The following TYW1 variants were observed in gnomAD, a reference collection of about 807,000 sequenced individuals.
The protein encoded by TYW1 is tRNA-yW synthesizing protein 1 homolog, also known as S-adenosyl-L-methionine-dependent tRNA 4-demethylwyosine synthase TYW1.
In TYW1, 46 loss-of-function variants were observed where a neutral mutation model predicts 96.2. The ratio of observed to expected loss-of-function variants is 0.48; its 90% CI spans 0.38 to 0.61. The LOEUF (loss-of-function observed/expected upper bound fraction) is 0.61. TYW1 is among the 20% of genes least tolerant of loss of function. TYW1 has a pLI of 0.00. For synonymous variants in TYW1, 274 were observed against 323.0 expected, an observed-to-expected ratio of 0.85 and a Z score of 1.63; for missense variants, 684 against 909.6, an observed-to-expected ratio of 0.75 and a Z score of 3.19.
At chr7:67,125,598 A>G (rs966808162) in intron 13 of TYW1, among the ~76,000 whole-genome samples, 1 of 152,108 alleles carries the variant, frequency 6.6e-6, no homozygotes, top group African/African-American at 2.4e-5. Flanking sequence ...TGTATTTTAC[A>G]TTAGGGTTCA....
intron 2 of TYW1, among the ~76,000 whole-genome samples, chr7:66,998,480 G>T (rs1172948720): frequency 6.6e-6 from 1 of 152,050 alleles, no homozygotes; most frequent in Admixed American, 6.6e-5. Flanking sequence ...ATACCTTTAA[G>T]GGTCAGTAGT....
intron 13 of TYW1, among the ~76,000 whole-genome samples, chr7:67,168,511 T>C (rs1452056560): frequency 6.6e-6 from 1 of 152,094 alleles, no homozygotes; most frequent in Non-Finnish European, 1.5e-5. Flanking sequence ...TATAGGACCA[T>C]TTAGGTTTTC....
chr7:67,015,224 G>A (rs13239344), intron 5 of TYW1, among the ~76,000 whole-genome samples: 4 of 151,962 alleles, frequency 2.6e-5, no homozygotes, highest in East Asian at 1.9e-4. Context: ...GGCTGTTCTC[G>A]AACTCCTGAC....
At chr7:67,014,681 T>C (rs1367528338) in intron 5 of TYW1, 120 bp downstream of exon 5, 1 of 1,205,802 alleles carries the variant, frequency 8.3e-7, no homozygotes, top group African/African-American at 1.5e-5. Context: ...GTATGTGAAA[T>C]AATCCACAAA....
At chr7:67,058,480 T>G in intron 9 of TYW1, among the ~76,000 whole-genome samples, 1 of 152,170 alleles carries the variant, frequency 6.6e-6, no homozygotes, top group Non-Finnish European at 1.5e-5. Context: ...GAAGCCATTT[T>G]TAAAAATTGT....
At chr7:67,082,401 T>G (rs1345697970) in intron 10 of TYW1, among the ~76,000 whole-genome samples, 1 of 152,194 alleles carries the variant, frequency 6.6e-6, no homozygotes, top group Non-Finnish European at 1.5e-5. Context: ...CCATAATCGG[T>G]GCCTGTGGTT....
chr7:67,097,472 C>T (rs149635878), intron 11 of TYW1, among the ~76,000 whole-genome samples: 5,029 of 152,292 alleles, frequency 0.033, 286 homozygotes, highest in East Asian at 0.16. Flanking sequence ...TGTCTCCTCT[C>T]ACTGCAATCT....
intron 13 of TYW1, among the ~76,000 whole-genome samples, chr7:67,160,261 C>T (rs1166031007): frequency 1.3e-5 from 2 of 152,068 alleles, no homozygotes; most frequent in African/African-American, 4.8e-5. Context: ...GACCCTATCT[C>T]TTAATTAATT....
At chr7:67,068,505 G>A (rs1795940246) in intron 10 of TYW1, among the ~76,000 whole-genome samples, 1 of 152,174 alleles carries the variant, frequency 6.6e-6, no homozygotes, top group African/African-American at 2.4e-5. Context: ...TGCTAGGAAA[G>A]AAGGGGGAGG....
chr7:67,029,415 G>GTGTATATATATA lies in TYW1; in HGVS notation c.984+4394_984+4395insGTATATATATAT, dbSNP rs1241213574. On this transcript the variant is annotated intron_variant, in intron 7 of 15. Coordinates refer to ENST00000359626, the MANE Select transcript of TYW1 (RefSeq NM_018264.4). ...TGTGTGTGTGTGTGTGTGTGTGTGTGTATATATATATATATATAAATAGTA... is the reference window on the plus strand; with the variant it reads ...TGTGTGTGTGTGTGTGTGTGTGTGTGTGTATATATATATATATATATATATATATAAATAGTA... Among the ~76,000 whole-genome samples the GTGTATATATATA allele has an allele frequency of 1.1e-3, 101 of 94,346 alleles. No homozygotes were observed. The East Asian group carries it at 0.017, about 16-fold the overall frequency. The allele number at this position is 94,346 out of a possible 152,430, so 61.9% of individuals were successfully genotyped here.
At chr7:67,086,829 A>T (rs1796561252) in intron 11 of TYW1, among the ~76,000 whole-genome samples, 1 of 152,180 alleles carries the variant, frequency 6.6e-6, no homozygotes, top group Non-Finnish European at 1.5e-5. Context: ...GCCGTGACCC[A>T]GACAGGTTGA....
chr7:66,998,696 A>G (rs1793275906), intron 2 of TYW1, 121 bp from the exon 3 acceptor site: 1 of 1,177,992 alleles, frequency 8.5e-7, no homozygotes, highest in African/African-American at 1.5e-5. Flanking sequence ...TAAGAGAAAA[A>G]TACAGTGTGT....
chr7:67,168,123 A>ATCTC (rs1378012342), intron 13 of TYW1, among the ~76,000 whole-genome samples: 1 of 138,860 alleles, frequency 7.2e-6, no homozygotes, highest in Non-Finnish European at 1.6e-5. Context: ...TTATGTGACT[A>ATCTC]TTATCAATGG....
chr7:67,044,119 T>TG (rs1562981781), intron 7 of TYW1, among the ~76,000 whole-genome samples: 1 of 140,596 alleles, frequency 7.1e-6, no homozygotes, highest in Non-Finnish European at 1.5e-5. Flanking sequence ...GAGTTTTTTT[T>TG]TTTTTTTTTT....
chr7:67,024,786 A>C (rs895015465), intron 6 of TYW1, 114 bp from the exon 7 acceptor site: 2 of 898,566 alleles, frequency 2.2e-6, no homozygotes, highest in Non-Finnish European at 2.9e-6. Flanking sequence ...GTCTCAAAGA[A>C]AAAAAAAAAA....
chr7:67,078,761 C>T (rs1023732110), intron 10 of TYW1, among the ~76,000 whole-genome samples: 3 of 152,014 alleles, frequency 2.0e-5, no homozygotes, highest in East Asian at 1.9e-4. Context: ...GGCACAATCT[C>T]GGTTCACTGC....
At chr7:67,066,408 A>G (rs1487756262) in intron 9 of TYW1, among the ~76,000 whole-genome samples, 1 of 152,072 alleles carries the variant, frequency 6.6e-6, no homozygotes, top group African/African-American at 2.4e-5. Context: ...ATTTTTTTAG[A>G]TTACCTTCTT....
intron 3 of TYW1, among the ~76,000 whole-genome samples, chr7:67,008,488 A>G (rs1477259141): frequency 6.6e-6 from 1 of 152,150 alleles, no homozygotes; most frequent in Admixed American, 6.6e-5. Flanking sequence ...CCAGTAAGCC[A>G]TCTCATTAGC....
chr7:67,120,167 T>C (rs1797718585), intron 13 of TYW1, among the ~76,000 whole-genome samples: 1 of 152,114 alleles, frequency 6.6e-6, no homozygotes, highest in South Asian at 2.1e-4. Flanking sequence ...CTGCAACGTC[T>C]GCCTCCTGGG....
Sources: allele counts gnomAD v4.1 joint callset (sites outside exome capture counted in the v4.1 genomes callset), GRCh38; gene constraint gnomAD v4.1.1; transcripts MANE v1.5; gene names NCBI Gene and HGNC (gene_info 2026-07-23, HGNC 2026-07-21).